HIVEP3: variants seen among roughly 807,000 people sequenced by gnomAD.
The protein encoded by HIVEP3 is transcription factor HIVEP3.
HIVEP3 carries 49 observed loss-of-function variants against 152.8 expected under a neutral mutation model. The ratio of observed to expected loss-of-function variants is 0.32; its 90% CI spans 0.26 to 0.41. The LOEUF (loss-of-function observed/expected upper bound fraction) is 0.41, where lower values mean the gene tolerates loss of function less well. Among genes scored for constraint, HIVEP3 ranks in the 10% least tolerant of loss-of-function variants. The pLI is 1.00. For synonymous variants in HIVEP3, 1,269 were observed against 1,289.0 expected, an observed-to-expected ratio of 0.98 and a Z score of 0.33; for missense variants, 2,790 against 3,103.3, an observed-to-expected ratio of 0.90 and a Z score of 2.40.
chr1:41,973,620 C>T (rs1016029796), intron 1 of HIVEP3, among the ~76,000 whole-genome samples: 2 of 152,244 alleles, frequency 1.3e-5, no homozygotes, highest in Admixed American at 6.5e-5. Context: ...AGCCCAATCA[C>T]AGAAGTGATA....
chr1:41,764,758 G>A (rs952291487), intron 1 of HIVEP3, among the ~76,000 whole-genome samples: 1 of 152,188 alleles, frequency 6.6e-6, no homozygotes, highest in African/African-American at 2.4e-5. Context: ...GTCCTCAGGG[G>A]CCCTCAGTAG....
intron 5 of HIVEP3, among the ~76,000 whole-genome samples, chr1:41,562,650 T>TTTC (rs1237837218): frequency 2.0e-5 from 3 of 147,298 alleles, no homozygotes; most frequent in Non-Finnish European, 4.4e-5. Context: ...TCTCTCTTTC[T>TTTC]TTCTTTCTTT....
At chr1:41,897,721 A>G (rs1644552300) in intron 1 of HIVEP3, among the ~76,000 whole-genome samples, 1 of 152,154 alleles carries the variant, frequency 6.6e-6, no homozygotes, top group Non-Finnish European at 1.5e-5. Context: ...TTGGACAGAG[A>G]CAAACACAGA....
intron 1 of HIVEP3, among the ~76,000 whole-genome samples, chr1:41,850,839 C>T (rs1643577773): frequency 6.6e-6 from 1 of 152,218 alleles, no homozygotes; most frequent in African/African-American, 2.4e-5. Context: ...TGATAGCCCA[C>T]AGGATCTAAC....
intron 1 of HIVEP3, among the ~76,000 whole-genome samples, chr1:41,995,049 G>A (rs923092870): frequency 7.2e-5 from 11 of 152,038 alleles, no homozygotes; most frequent in African/African-American, 1.9e-4. Context: ...TCCAACATAC[G>A]TTTTATTCAG....
chr1:41,518,362 G>A (rs147597306), intron 7 of HIVEP3, 40 bp downstream of exon 7: 43 of 1,550,436 alleles, frequency 2.8e-5, no homozygotes, highest in Admixed American at 1.2e-4. Context: ...AGGGAAAGCG[G>A]ACAAGGGGAA....
chr1:41,543,626 C>A (rs1371766980), intron 5 of HIVEP3: 1 of 152,178 alleles, frequency 6.6e-6, no homozygotes, highest in Non-Finnish European at 1.5e-5. Flanking sequence ...CCCTCAACAC[C>A]TGGGGGCTCC....
intron 7 of HIVEP3, 123 bp from the exon 8 acceptor site, chr1:41,513,873 G>C: frequency 1.4e-6 from 1 of 725,630 alleles, no homozygotes; most frequent in Non-Finnish European, 2.1e-6. Flanking sequence ...CATCGCAAGG[G>C]CACAAGATTG....
chr1:41,944,153 G>C (rs919752782), intron 1 of HIVEP3, among the ~76,000 whole-genome samples: 2 of 152,196 alleles, frequency 1.3e-5, no homozygotes, highest in African/African-American at 4.8e-5. Context: ...TGTTTGATAA[G>C]TCCAGTTTTA....
chr1:41,656,571 T>G (rs1156799487), intron 2 of HIVEP3, among the ~76,000 whole-genome samples: 2 of 152,132 alleles, frequency 1.3e-5, no homozygotes, highest in Non-Finnish European at 2.9e-5. Context: ...GTATTTGAAC[T>G]TGGGCACTGA....
At chr1:41,530,115 G>C (rs548670326) in intron 5 of HIVEP3, among the ~76,000 whole-genome samples, 1 of 151,992 alleles carries the variant, frequency 6.6e-6, no homozygotes, top group East Asian at 1.9e-4. Flanking sequence ...CTGTTTTTTT[G>C]TCACCTCAGA....
chr1:41,619,187 G>C (rs998735931), intron 3 of HIVEP3, among the ~76,000 whole-genome samples: 1 of 151,970 alleles, frequency 6.6e-6, no homozygotes, highest in African/African-American at 2.4e-5. Context: ...TTCCCAGCAG[G>C]CTGATCTTGC....
chr1:41,749,908 A>C (rs1015853692), intron 1 of HIVEP3, among the ~76,000 whole-genome samples: 2 of 152,204 alleles, frequency 1.3e-5, no homozygotes, highest in African/African-American at 4.8e-5. Flanking sequence ...ATCTGCATGA[A>C]ATGTTACATG....
chr1:41,754,517 T>C (rs1420341130), intron 1 of HIVEP3, among the ~76,000 whole-genome samples: 1 of 152,212 alleles, frequency 6.6e-6, no homozygotes, highest in African/African-American at 2.4e-5. Flanking sequence ...TGCAGAGCGA[T>C]GCCTGCCTGC....
chr1:41,721,184 T>C (rs559246046), intron 1 of HIVEP3, among the ~76,000 whole-genome samples: 3 of 151,886 alleles, frequency 2.0e-5, no homozygotes, highest in East Asian at 1.9e-4. Flanking sequence ...GTAGATCTCA[T>C]GTGAAACATT....
chr1:41,687,947 C>T (rs2124102902), intron 2 of HIVEP3, among the ~76,000 whole-genome samples: 1 of 152,252 alleles, frequency 6.6e-6, no homozygotes, highest in African/African-American at 2.4e-5. Flanking sequence ...ATTATCTAAG[C>T]CAACAATTTC....
At chr1:41,672,423 C>G (rs540361458) in intron 2 of HIVEP3, among the ~76,000 whole-genome samples, 1 of 152,326 alleles carries the variant, frequency 6.6e-6, no homozygotes, top group East Asian at 1.9e-4. Flanking sequence ...CTTCTCTGCC[C>G]TGGGGCTGTT....
At chr1:41,696,772 T>A (rs1454491528) in intron 2 of HIVEP3, among the ~76,000 whole-genome samples, 1 of 152,034 alleles carries the variant, frequency 6.6e-6, no homozygotes. Context: ...TCTGCGTAAC[T>A]GCATAGAAAA....
At chr1:41,982,624 T>C (rs1333398467) in intron 1 of HIVEP3, among the ~76,000 whole-genome samples, 1 of 152,216 alleles carries the variant, frequency 6.6e-6, no homozygotes, top group Non-Finnish European at 1.5e-5. Flanking sequence ...AATGTCAGCC[T>C]GGGGGAATTA....
Sources: gnomAD v4.1 joint callset for allele counts (sites outside exome capture counted in the v4.1 genomes callset) on GRCh38, gnomAD v4.1.1 for gene constraint, MANE v1.5 for transcripts, NCBI Gene and HGNC (gene_info 2026-07-23, HGNC 2026-07-21) for gene names.